Variants in MEP1A observed in about 807,000 individuals in gnomAD.
MEP1A encodes N-benzoyl-L-tyrosyl-P-amino-benzoic acid hydrolase subunit alpha.
In MEP1A, 68 loss-of-function variants were observed where a neutral mutation model predicts 84.5. That is an observed-to-expected ratio of 0.80 (90% CI 0.66 to 0.98). The LOEUF (loss-of-function observed/expected upper bound fraction) is 0.98. Among genes scored for constraint, MEP1A ranks in the 50% least tolerant of loss-of-function variants. The pLI is 0.00. For missense variants in MEP1A, 887 were observed against 919.9 expected (o/e 0.96, Z 0.46); for synonymous variants, 337 against 336.8 (o/e 1.00, Z -0.01).
At chr6:46,819,425 TA>T in intron 6 of MEP1A, 103 bp from the exon 7 acceptor site, 1 of 933,266 alleles carries the variant, frequency 1.1e-6, no homozygotes, top group Non-Finnish European at 1.6e-6. Context: ...AATTTCTTTC[TA>T]AAATCAAGCC....
At chr6:46,818,560 TGGG>T (rs1562111054) in intron 6 of MEP1A, among the ~76,000 whole-genome samples, 1 of 152,060 alleles carries the variant, frequency 6.6e-6, no homozygotes, top group Admixed American at 6.6e-5. Flanking sequence ...AAAAAATAAT[TGGG>T]GGGAGAATGA....
rs574103176 is a variant in MEP1A at position 46,834,573 on chromosome 6, T to A, written c.1610-5T>A. ...TGTGATTTTATGTTACCTACAACTTTGCAGCGATAAATGACACTGTCATCT... is the reference window on the plus strand; with the variant it reads ...TGTGATTTTATGTTACCTACAACTTAGCAGCGATAAATGACACTGTCATCT... On this transcript the variant is annotated splice_polypyrimidine_tract_variant and splice_region_variant and intron_variant, in intron 11 of 13. Coordinates refer to ENST00000230588, the MANE Select transcript of MEP1A (RefSeq NM_005588.3). 6.2e-7 allele frequency: 1 copy of A among 1,600,888 alleles called. No homozygotes were observed. Among genetic ancestry groups the A allele is most frequent in the East Asian group, 2.2e-5 (1 of 44,680 alleles).
chr6:46,832,303 C>T (rs1768095765), intron 10 of MEP1A, among the ~76,000 whole-genome samples: 1 of 152,204 alleles, frequency 6.6e-6, no homozygotes. Flanking sequence ...TTTCCTCTCT[C>T]CAGTACCCCC....
chr6:46,841,511 G>T (rs1768330982), downstream of MEP1A, among the ~76,000 whole-genome samples: 1 of 152,194 alleles, frequency 6.6e-6, no homozygotes, highest in Non-Finnish European at 1.5e-5. Flanking sequence ...TAGAAATTAA[G>T]CATTTCATAA....
chr6:46,825,684 C>T (rs572007629), intron 8 of MEP1A, among the ~76,000 whole-genome samples, 191 bp downstream of exon 8: 3 of 150,882 alleles, frequency 2.0e-5, no homozygotes, highest in East Asian at 3.9e-4. Context: ...GCTGTTTTTG[C>T]GCTTCAATGG....
intron 5 of MEP1A, among the ~76,000 whole-genome samples, chr6:46,801,479 A>G (rs879675171): frequency 8.6e-5 from 13 of 152,002 alleles, no homozygotes; most frequent in Non-Finnish European, 1.9e-4. Flanking sequence ...TTGTCTTTTT[A>G]TTATTTGTAG....
intron 6 of MEP1A, among the ~76,000 whole-genome samples, chr6:46,812,183 T>C (rs1361886620): frequency 6.6e-6 from 1 of 152,104 alleles, no homozygotes; most frequent in Non-Finnish European, 1.5e-5. Flanking sequence ...TTCTATATAT[T>C]CCTGGTTTAA....
chr6:46,817,642 G>C (rs1476257378), intron 6 of MEP1A, among the ~76,000 whole-genome samples: 1 of 152,098 alleles, frequency 6.6e-6, no homozygotes, highest in Non-Finnish European at 1.5e-5. Flanking sequence ...TTTTCACAAA[G>C]AAACTCCTTA....
At chr6:46,802,191 T>C (rs1208128868) in intron 5 of MEP1A, among the ~76,000 whole-genome samples, 1 of 151,948 alleles carries the variant, frequency 6.6e-6, no homozygotes, top group Non-Finnish European at 1.5e-5. Context: ...CTTAAAAATA[T>C]TGAGTCCTAT....
chr6:46,817,798 A>G (rs1767676352), intron 6 of MEP1A, among the ~76,000 whole-genome samples: 3 of 152,214 alleles, frequency 2.0e-5, no homozygotes. Context: ...TTGTAAAAGC[A>G]CTGAATCTGG....
chr6:46,816,352 C>G (rs912555793), intron 6 of MEP1A, among the ~76,000 whole-genome samples: 1 of 152,052 alleles, frequency 6.6e-6, no homozygotes, highest in Non-Finnish European at 1.5e-5. Flanking sequence ...GGTCTTAGCC[C>G]TCAGCAGGCT....
Position 46,835,527 on chromosome 6 carries a change from G to A in MEP1A, c.2062G>A (p.Val688Met), listed in dbSNP as rs754924852. ...CCAAAATGACGGCATCTGTGTGAAC[G>A]TGAAGGGGATGGCGAGCTGCAGGTA... ...PCQNDGICVN[V>M]KGMASCRCIS... Residue 688 changes from valine to methionine, a missense_variant, in exon 13 of 14, where the codon GTG (valine) becomes ATG (methionine). Physicochemically the swap from Val to Met is conservative, Grantham distance 21. Transcript: ENST00000230588. The A allele has an allele frequency of 2.1e-5, 34 of 1,613,604 alleles. No individual in the cohort carries two copies. The highest frequency in any genetic ancestry group is 4.5e-5 in the East Asian group (2 of 44,868).
At chr6:46,837,908 T>C (rs1034753473) in intron 13 of MEP1A, among the ~76,000 whole-genome samples, 31 of 152,052 alleles carry the variant, frequency 2.0e-4, no homozygotes, top group Non-Finnish European at 4.0e-4. Context: ...TTTTTTTTTT[T>C]TGAGACAGTT....
At chr6:46,845,489 G>A in the MEP1A span, among the ~76,000 whole-genome samples, 11 of 152,180 alleles carry the variant, frequency 7.2e-5, no homozygotes, top group South Asian at 2.1e-4. Flanking sequence ...TATTTTGAAC[G>A]TCTGGTACTC....
chr6:46,793,698 A>G lies in MEP1A; in HGVS notation c.127A>G (p.Ile43Val), dbSNP rs775592312. The change falls in exon 3 of 14, where the codon ATT becomes GTT. Residue 43 changes from isoleucine (I) to valine (V), a missense_variant. Physicochemically the swap from Ile to Val is conservative, Grantham distance 29. Coordinates refer to ENST00000230588, the MANE Select transcript of MEP1A (RefSeq NM_005588.3). ...HDADFGEQKD[I>V]SEINLAAGLD... ...TGCAGATTTTGGTGAACAGAAGGAT[A>G]TTTCAGAAATCAATTTAGGTGAGTT... is the stretch of plus-strand genomic sequence containing the variant. 2 of 1,609,584 alleles carry G rather than the reference A, an allele frequency of 1.2e-6. No individual in the cohort carries two copies. The highest frequency in any genetic ancestry group is 2.2e-5 in the East Asian group (1 of 44,736).
chr6:46,815,416 A>C (rs1488561182), intron 6 of MEP1A, among the ~76,000 whole-genome samples: 1 of 152,222 alleles, frequency 6.6e-6, no homozygotes, highest in Non-Finnish European at 1.5e-5. Flanking sequence ...TGCAGCCCGC[A>C]GTCCTAAAGG....
Position 46,817,629 on chromosome 6 carries a change from C to CT in MEP1A, c.381-1894dup, listed in dbSNP as rs1315086510. On this transcript the variant is annotated intron_variant, in intron 6 of 13. Coordinates refer to ENST00000230588, the MANE Select transcript of MEP1A (RefSeq NM_005588.3). ...CTTCAGCTACCACTTTTGCATCATTCTTTTTTCACAAAGAAACTCCTTAAA... is the reference window on the plus strand; with the variant it reads ...CTTCAGCTACCACTTTTGCATCATTCTTTTTTTCACAAAGAAACTCCTTAAA... Among the ~76,000 whole-genome samples, 7 of 152,290 alleles carry CT rather than the reference C, an allele frequency of 4.6e-5. No individual in the cohort carries two copies. The East Asian group carries it at 1.2e-3, about 25-fold the overall frequency.
At chr6:46,798,760 T>A in intron 4 of MEP1A, 114 bp downstream of exon 4, 1 of 877,606 alleles carries the variant, frequency 1.1e-6, no homozygotes, top group South Asian at 1.4e-5. Flanking sequence ...ATGAGAGAAA[T>A]CTCATCTATA....
At chr6:46,845,660 C>T in the MEP1A span, among the ~76,000 whole-genome samples, 29 of 152,240 alleles carry the variant, frequency 1.9e-4, no homozygotes, top group African/African-American at 7.0e-4. Context: ...GTCTGTGGAC[C>T]TCATAAATTT....
Sources: gnomAD v4.1 joint callset for allele counts (sites outside exome capture counted in the v4.1 genomes callset) on GRCh38, gnomAD v4.1.1 for gene constraint, MANE v1.5 for transcripts, NCBI Gene and HGNC (gene_info 2026-07-23, HGNC 2026-07-21) for gene names.